RUNX1: variants seen among roughly 807,000 people sequenced by gnomAD.
RUNX1 encodes runt-related transcription factor 1.
RUNX1 carries 19 observed loss-of-function variants against 42.8 expected under a neutral mutation model. The observed-to-expected ratio is 0.44, with a 90% CI of 0.31 to 0.65. RUNX1 has a LOEUF of 0.65. Ranked by LOEUF, RUNX1 falls within the 30% of genes least tolerant of loss-of-function variation. The probability of loss-of-function intolerance (pLI) is 0.07; values close to 1 mark genes in which losing one functional copy is unlikely to be tolerated. For synonymous variants in RUNX1, 271 were observed against 289.4 expected (o/e 0.94, Z 0.64); for missense variants, 528 against 672.0 (o/e 0.79, Z 2.37).
At chr21:34,967,258 T>C (rs143753633) in intron 2 of RUNX1, among the ~76,000 whole-genome samples, 2,321 of 128,368 alleles carry the variant, frequency 0.018, 89 homozygotes, top group African/African-American at 0.068. Context: ...AGGTGGAGGT[T>C]GCAGTGAGCC....
chr21:34,943,326 ACCAGATGTAC>A (rs1569117018), intron 2 of RUNX1, among the ~76,000 whole-genome samples: 1 of 152,146 alleles, frequency 6.6e-6, no homozygotes, highest in African/African-American at 2.4e-5. Flanking sequence ...TGCTGTCTTT[ACCAGATGTAC>A]CCATCCAGGC....
At chr21:34,841,670 G>A (rs1239014367) in intron 6 of RUNX1, among the ~76,000 whole-genome samples, 1 of 152,140 alleles carries the variant, frequency 6.6e-6, no homozygotes, top group African/African-American at 2.4e-5. Context: ...CTGCCCTGGG[G>A]CCTTTGCACT....
chr21:34,933,308 C>G (rs1337100215), intron 2 of RUNX1, among the ~76,000 whole-genome samples: 1 of 152,166 alleles, frequency 6.6e-6, no homozygotes, highest in African/African-American at 2.4e-5. Flanking sequence ...AGTAGCCCCT[C>G]AGGTAGAAGC....
intron 2 of RUNX1, among the ~76,000 whole-genome samples, chr21:34,999,693 C>A (rs988749957): frequency 6.6e-6 from 1 of 152,206 alleles, no homozygotes; most frequent in Non-Finnish European, 1.5e-5. Context: ...TGTGACCACA[C>A]GTGGTTAGGC....
intron 2 of RUNX1, among the ~76,000 whole-genome samples, chr21:34,984,314 G>C (rs1366321787): frequency 6.6e-6 from 1 of 152,208 alleles, no homozygotes; most frequent in Non-Finnish European, 1.5e-5. Context: ...TGTTCTTGGA[G>C]GATGAAGTGG....
At chr21:34,795,722 G>A (rs1345081468) in intron 8 of RUNX1, among the ~76,000 whole-genome samples, 1 of 152,178 alleles carries the variant, frequency 6.6e-6, no homozygotes, top group Non-Finnish European at 1.5e-5. Flanking sequence ...GCTCTTTGGG[G>A]CCATCTGTGA....
chr21:34,995,131 G>A (rs2058983791), intron 2 of RUNX1, among the ~76,000 whole-genome samples: 2 of 152,202 alleles, frequency 1.3e-5, no homozygotes, highest in South Asian at 4.1e-4. Flanking sequence ...ACTGAGGGGT[G>A]GGGACCGGCT....
chr21:34,863,679 C>T (rs566169864), intron 5 of RUNX1, among the ~76,000 whole-genome samples: 1 of 151,576 alleles, frequency 6.6e-6, no homozygotes. Context: ...CTCAGCCTCC[C>T]GAGTAGCTGG....
At chr21:34,972,827 T>C (rs1477347435) in intron 2 of RUNX1, among the ~76,000 whole-genome samples, 1 of 152,098 alleles carries the variant, frequency 6.6e-6, no homozygotes, top group Non-Finnish European at 1.5e-5. Context: ...TCCAGTTGCA[T>C]GCAACTGGAC....
intron 5 of RUNX1, among the ~76,000 whole-genome samples, chr21:34,866,243 TTGTC>T (rs1389173610): frequency 6.6e-6 from 1 of 152,192 alleles, no homozygotes; most frequent in Non-Finnish European, 1.5e-5. Flanking sequence ...ACTCTTGTGT[TTGTC>T]TGCAGGAAAG....
chr21:34,899,911 A>C (rs1416703723), intron 2 of RUNX1, among the ~76,000 whole-genome samples: 7 of 152,342 alleles, frequency 4.6e-5, no homozygotes, highest in Admixed American at 3.3e-4. Flanking sequence ...TTGGAAGGCC[A>C]AGGCTGGATG....
rs150418924 is a variant in RUNX1 at position 34,905,572 on chromosome 21, A to G, written c.59-12609T>C. The stretch of plus-strand genomic sequence containing the variant: ...TGACACTGCCTTAAGGTAAAGAGCA[A>G]GAGAAAAACTTCTTTAGCCAGAATG... On this transcript the variant is annotated intron_variant, in intron 2 of 8. Transcript: ENST00000675419. Among the ~76,000 whole-genome samples, 887 of 152,360 alleles carry G rather than the reference A, an allele frequency of 5.8e-3. 10 individuals are homozygous for G. The highest frequency in any genetic ancestry group is 0.02 in the African/African-American group (830 of 41,588).
intron 7 of RUNX1, among the ~76,000 whole-genome samples, chr21:34,826,302 A>G (rs562130535): frequency 2.0e-5 from 3 of 152,320 alleles, no homozygotes; most frequent in African/African-American, 7.2e-5. Context: ...TCTCTTGCAC[A>G]TGCTTTCTTG....
chr21:34,888,818 C>T (rs916113326), intron 3 of RUNX1: 22 of 421,360 alleles, frequency 5.2e-5, no homozygotes, highest in Non-Finnish European at 7.2e-5. Flanking sequence ...AGCCAGGGCG[C>T]GGCTCGCCGC....
chr21:34,961,199 C>A (rs1198541507), intron 2 of RUNX1, among the ~76,000 whole-genome samples: 1 of 152,032 alleles, frequency 6.6e-6, no homozygotes, highest in Admixed American at 6.6e-5. Context: ...CATGGTGAAA[C>A]CCCGTCTCTA....
chr21:34,991,580 T>C (rs977484080), intron 2 of RUNX1, among the ~76,000 whole-genome samples: 1 of 152,074 alleles, frequency 6.6e-6, no homozygotes. Flanking sequence ...ATGATGGTGA[T>C]GATGACTGTT....
At chr21:34,975,164 T>G (rs113196272) in intron 2 of RUNX1, among the ~76,000 whole-genome samples, 1 of 152,234 alleles carries the variant, frequency 6.6e-6, no homozygotes, top group East Asian at 1.9e-4. Context: ...AGGAAAAGAC[T>G]TCCCCCTGGA....
chr21:35,037,575 A>G (rs2059318003), intron 2 of RUNX1, among the ~76,000 whole-genome samples: 1 of 152,066 alleles, frequency 6.6e-6, no homozygotes, highest in Non-Finnish European at 1.5e-5. Flanking sequence ...TGTCCCCTCC[A>G]CGGGCAGACA....
chr21:34,827,575 T>C (rs1393097805), intron 7 of RUNX1, among the ~76,000 whole-genome samples: 1 of 152,198 alleles, frequency 6.6e-6, no homozygotes, highest in Non-Finnish European at 1.5e-5. Flanking sequence ...CCTCCCATCA[T>C]AGGCCCAGAG....
Sources: gnomAD v4.1 joint callset for allele counts (sites outside exome capture counted in the v4.1 genomes callset) on GRCh38, gnomAD v4.1.1 for gene constraint, MANE v1.5 for transcripts, NCBI Gene and HGNC (gene_info 2026-07-23, HGNC 2026-07-21) for gene names.